STRIP2: variants seen among roughly 807,000 people sequenced by gnomAD.
STRIP2 encodes striatin-interacting protein 2.
Under a neutral mutation model 107.1 loss-of-function variants are expected in STRIP2, and 84 were observed. The observed-to-expected ratio is 0.78, with a 90% CI of 0.66 to 0.94. The LOEUF is 0.94. STRIP2 is among the 40% of genes least tolerant of loss of function. The pLI is 0.00. For missense variants in STRIP2, 888 were observed against 1,034.2 expected, an observed-to-expected ratio of 0.86 and a Z score of 1.94; for synonymous variants, 394 against 400.4, an observed-to-expected ratio of 0.98 and a Z score of 0.19.
In STRIP2 at chr7:129,464,632, T is replaced by A. The variant is rs1798627093; in HGVS notation, c.1670T>A (p.Met557Lys). 1 of 1,614,128 alleles carries A rather than the reference T, an allele frequency of 6.2e-7. No homozygotes were observed. Among genetic ancestry groups the A allele is most frequent in the Non-Finnish European group, 8.5e-7 (1 of 1,180,010 alleles). ...TGTAGCATCACTGTTCTCCAGAGCA[T>A]GAAGCTGGGCATCGATGTGAACAGG... ...EEMPITVLQS[M>K]KLGIDVNRHK... Residue 557 changes from methionine (M) to lysine (K), a missense_variant, in exon 16 of 21, where the codon ATG (methionine) becomes AAG (lysine). Physicochemically the swap from Met to Lys is moderately conservative, Grantham distance 95 (BLOSUM62 -1). Coordinates refer to ENST00000249344, the MANE Select transcript of STRIP2 (RefSeq NM_020704.3).
rs1165916425 is a variant in STRIP2 at position 129,488,324 on chromosome 7, G to A, written c.*2495G>A. On this transcript the variant is annotated 3_prime_UTR_variant, in exon 21 of 21. Coordinates refer to ENST00000249344, the MANE Select transcript of STRIP2 (RefSeq NM_020704.3). ...TTTTATTTGTGAATATTTCAGTAAA[G>A]TTTGTGTTGATTGTTGATAACACTG... 6.6e-6 allele frequency: 1 copy of A among 152,598 alleles called. No individual in the cohort carries two copies. The allele number at this position is 152,598 out of a possible 1,614,324, so 9.5% of individuals were successfully genotyped here.
intron 8 of STRIP2, 107 bp downstream of exon 8, chr7:129,455,478 C>A: frequency 7.2e-7 from 1 of 1,390,952 alleles, no homozygotes; most frequent in Non-Finnish European, 9.6e-7. Context: ...GCAGAACAGG[C>A]AGCCCTTAGC....
At chr7:129,478,232 G>A (rs1256312769) in intron 18 of STRIP2, 5 of 220,240 alleles carry the variant, frequency 2.3e-5, no homozygotes, top group Non-Finnish European at 3.6e-5. Flanking sequence ...TTGTTAGGCC[G>A]GGCACAGTGG....
At chr7:129,456,149 TC>T (rs144853548) in intron 8 of STRIP2, among the ~76,000 whole-genome samples, 47,116 of 113,000 alleles carry the variant, frequency 0.42, 11,688 homozygotes, top group Non-Finnish European at 0.55. Flanking sequence ...TTCTTTTTTT[TC>T]TTTTTTTTTT....
intron 12 of STRIP2, among the ~76,000 whole-genome samples, chr7:129,459,942 G>A (rs1422671536): frequency 6.6e-6 from 1 of 152,062 alleles, no homozygotes; most frequent in Non-Finnish European, 1.5e-5. Context: ...TTGTATGCAT[G>A]GAGTCATCAC....
At position 129,477,606 on chromosome 7, in the gene STRIP2, C is replaced by A. The variant is rs541253940; in HGVS notation, c.1945-3179C>A. Among the ~76,000 whole-genome samples the A allele has an allele frequency of 2.0e-5, 3 of 152,216 alleles. No individual in the cohort carries two copies. The South Asian group carries it at 6.2e-4, about 32-fold the overall frequency. The stretch of plus-strand genomic sequence containing the variant: ...ATTTTTTTTTCTCCTTCCTCCTTAT[C>A]CACTTATTTCACTTGAGAACCATTA... On this transcript the variant is annotated intron_variant, in intron 18 of 20. Transcript: ENST00000249344.
In STRIP2 at chr7:129,479,371, C is replaced by T. The variant is rs145628628; in HGVS notation, c.1945-1414C>T. ...GGTCTATTTGGGGCAAGCCAGACTA[C>T]CTGATGCACTACAGTAGAAAGTCCC... is the stretch of plus-strand genomic sequence containing the variant. On this transcript the variant is annotated intron_variant, in intron 18 of 20. Transcript: ENST00000249344. Among the ~76,000 whole-genome samples the T allele has an allele frequency of 8.8e-3, 1,346 of 152,156 alleles. 12 individuals carry two copies. The highest frequency in any genetic ancestry group is 0.02 in the Admixed American group (307 of 15,282).
chr7:129,440,140 AGGGAAGGG>A, intron 2 of STRIP2, 49 bp downstream of exon 2: 2 of 1,517,884 alleles, frequency 1.3e-6, no homozygotes, highest in Non-Finnish European at 1.8e-6. Flanking sequence ...CCAGGAGGAG[AGGGAAGGG>A]GCCTGTGATC....
At chr7:129,478,110 TG>T in intron 18 of STRIP2, 1 of 271,872 alleles carries the variant, frequency 3.7e-6, no homozygotes. Context: ...GAATAAATAA[TG>T]GCTGTTCAGC....
At position 129,486,588 on chromosome 7, in the gene STRIP2, C is replaced by T. The variant is rs1429080408; in HGVS notation, c.*759C>T. On this transcript the variant is annotated 3_prime_UTR_variant, in exon 21 of 21. Coordinates refer to ENST00000249344, the MANE Select transcript of STRIP2 (RefSeq NM_020704.3). The stretch of plus-strand genomic sequence containing the variant: ...GATGTTTCATGTTTTTCTTAAATGA[C>T]TCCAGTCTTCAAATGGCTGAGCATA... 3 of 152,200 alleles carry T rather than the reference C, an allele frequency of 2.0e-5. No individual in the cohort carries two copies. Among genetic ancestry groups the T allele is most frequent in the Non-Finnish European group, 4.4e-5 (3 of 68,024 alleles). 9.4% of individuals were successfully genotyped at this position (152,200 alleles called of 1,614,324 possible).
chr7:129,448,214 A>C (rs1004615925), intron 3 of STRIP2, among the ~76,000 whole-genome samples: 20 of 151,968 alleles, frequency 1.3e-4, no homozygotes, highest in Non-Finnish European at 2.6e-4. Context: ...TAGTTACCTG[A>C]CCTCCATAAG....
At chr7:129,481,007 C>T (rs1196430541) in intron 19 of STRIP2, 118 bp downstream of exon 19, 1 of 689,666 alleles carries the variant, frequency 1.4e-6, no homozygotes, top group Non-Finnish European at 2.5e-6. Flanking sequence ...CTGAATGCTA[C>T]ATAAGATTTA....
In STRIP2 at chr7:129,487,417, C is replaced by T. The variant is rs938821842; in HGVS notation, c.*1588C>T. ...GTCACTTTATGCTGGGTGATATAGTCAAAATTTGCTTATTTACTCTGCCCC... is the reference window on the plus strand; with the variant it reads ...GTCACTTTATGCTGGGTGATATAGTTAAAATTTGCTTATTTACTCTGCCCC... On this transcript the variant is annotated 3_prime_UTR_variant, in exon 21 of 21. Transcript: ENST00000249344. The T allele has an allele frequency of 6.6e-6, 1 of 152,090 alleles. No individual in the cohort carries two copies. The highest frequency in any genetic ancestry group is 1.5e-5 in the Non-Finnish European group (1 of 68,016). 9.4% of individuals were successfully genotyped at this position (152,090 alleles called of 1,614,324 possible). A position where few individuals can be genotyped will look rare whatever the true frequency, so the allele number is the denominator to read the frequency against.
chr7:129,463,393 G>A (rs1798593363), intron 14 of STRIP2, among the ~76,000 whole-genome samples: 1 of 152,162 alleles, frequency 6.6e-6, no homozygotes, highest in Non-Finnish European at 1.5e-5. Context: ...GTTCAGGTTA[G>A]AGGAAAGAAA....
intron 18 of STRIP2, among the ~76,000 whole-genome samples, chr7:129,475,056 C>T (rs1798880034): frequency 6.6e-6 from 1 of 152,228 alleles, no homozygotes; most frequent in Non-Finnish European, 1.5e-5. Context: ...CTCCAAATGT[C>T]GGTATTCATA....
At chr7:129,464,004 G>A (rs769262399) in intron 14 of STRIP2, 40 bp from the exon 15 acceptor site, 5 of 1,526,092 alleles carry the variant, frequency 3.3e-6, no homozygotes, top group Middle Eastern at 1.7e-4. Flanking sequence ...TTGCTGAGTG[G>A]GTTTGACAGT....
At chr7:129,452,614 T>C (rs1052391525) in intron 4 of STRIP2, among the ~76,000 whole-genome samples, 14 of 152,224 alleles carry the variant, frequency 9.2e-5, no homozygotes, top group African/African-American at 3.1e-4. Flanking sequence ...CTTGAACTCA[T>C]AGGCTCGAGC....
intron 19 of STRIP2, among the ~76,000 whole-genome samples, chr7:129,482,353 C>CTA (rs1562920474): frequency 6.1e-5 from 6 of 98,802 alleles, no homozygotes; most frequent in South Asian, 3.5e-4. Flanking sequence ...CTCTCTCTCT[C>CTA]TCTATATATA....
chr7:129,438,912 G>A (rs1014092564), intron 1 of STRIP2, among the ~76,000 whole-genome samples: 1 of 152,194 alleles, frequency 6.6e-6, no homozygotes, highest in Non-Finnish European at 1.5e-5. Context: ...TTGGGGTGAT[G>A]CAGAGTTTCC....
Sources: gnomAD v4.1 joint callset for allele counts (sites outside exome capture counted in the v4.1 genomes callset) on GRCh38, gnomAD v4.1.1 for gene constraint, MANE v1.5 for transcripts, NCBI Gene and HGNC (gene_info 2026-07-23, HGNC 2026-07-21) for gene names.